Variants in GRID2 observed in about 807,000 individuals in gnomAD.
The protein encoded by GRID2 is glutamate receptor ionotropic, delta-2.
In GRID2, 33 loss-of-function variants were observed where a neutral mutation model predicts 114.8. The ratio of observed to expected loss-of-function variants is 0.29; its 90% CI spans 0.22 to 0.38. The LOEUF (loss-of-function observed/expected upper bound fraction) is 0.38. GRID2 is among the 10% of genes least tolerant of loss of function. The probability of loss-of-function intolerance (pLI) is 1.00; values close to 1 mark genes in which losing one functional copy is unlikely to be tolerated. For synonymous variants in GRID2, 505 were observed against 449.9 expected (o/e 1.12, Z -1.55); for missense variants, 1,184 against 1,257.7 (o/e 0.94, Z 0.89).
chr4:92,760,513 A>G (rs1344512623), intron 2 of GRID2, among the ~76,000 whole-genome samples: 2 of 152,114 alleles, frequency 1.3e-5, no homozygotes, highest in African/African-American at 2.4e-5. Context: ...TACTCTCCAC[A>G]GCCAATCCAG....
At chr4:92,732,847 G>A (rs543651821) in intron 2 of GRID2, among the ~76,000 whole-genome samples, 49 of 152,090 alleles carry the variant, frequency 3.2e-4, no homozygotes, top group African/African-American at 1.1e-3. Context: ...TGGAGTTGAC[G>A]TTGTTTTGTG....
At chr4:93,516,283 G>A (rs577899494) in intron 13 of GRID2, among the ~76,000 whole-genome samples, 10 of 152,192 alleles carry the variant, frequency 6.6e-5, no homozygotes, top group African/African-American at 2.4e-4. Flanking sequence ...TCATCCTAGA[G>A]GATATTTTGA....
chr4:93,702,685 C>T (rs1242317299), intron 14 of GRID2, among the ~76,000 whole-genome samples: 2 of 152,080 alleles, frequency 1.3e-5, no homozygotes, highest in African/African-American at 4.8e-5. Flanking sequence ...TAGATACTAC[C>T]TCAGCAATTT....
At chr4:92,609,102 T>C (rs1729594676) in intron 2 of GRID2, among the ~76,000 whole-genome samples, 1 of 151,812 alleles carries the variant, frequency 6.6e-6, no homozygotes, top group Admixed American at 6.6e-5. Flanking sequence ...TGAGAAGCAC[T>C]GATGTTGGTA....
chr4:93,652,277 T>C (rs549579904), intron 14 of GRID2, among the ~76,000 whole-genome samples: 1 of 152,124 alleles, frequency 6.6e-6, no homozygotes, highest in African/African-American at 2.4e-5. Context: ...GTAAGCAAGA[T>C]ATCTCGTAAG....
chr4:92,930,086 T>C (rs1750110029), intron 2 of GRID2, among the ~76,000 whole-genome samples: 1 of 151,238 alleles, frequency 6.6e-6, no homozygotes, highest in Non-Finnish European at 1.5e-5. Context: ...TAGCATTTAA[T>C]TTTCATAACT....
chr4:93,496,996 T>A (rs1341018433), intron 12 of GRID2, among the ~76,000 whole-genome samples: 1 of 151,786 alleles, frequency 6.6e-6, no homozygotes, highest in Non-Finnish European at 1.5e-5. Context: ...TGTTTCCACC[T>A]GCATTGTATG....
At chr4:92,834,273 C>T (rs564355235) in intron 2 of GRID2, among the ~76,000 whole-genome samples, 7 of 152,118 alleles carry the variant, frequency 4.6e-5, no homozygotes, top group African/African-American at 1.7e-4. Flanking sequence ...CATATATTTT[C>T]TTTTGTTTTG....
intron 2 of GRID2, among the ~76,000 whole-genome samples, chr4:92,916,377 T>C (rs1426934067): frequency 2.0e-5 from 3 of 152,172 alleles, no homozygotes; most frequent in African/African-American, 7.2e-5. Flanking sequence ...TTTTAAATTA[T>C]ACTTTAAGAT....
At chr4:93,663,644 G>A (rs1560877024) in intron 14 of GRID2, among the ~76,000 whole-genome samples, 1 of 152,144 alleles carries the variant, frequency 6.6e-6, no homozygotes, top group South Asian at 2.1e-4. Flanking sequence ...GAAGGAAGGA[G>A]CATTTACGTA....
At chr4:93,366,730 G>T (rs911297456) in intron 8 of GRID2, among the ~76,000 whole-genome samples, 2 of 151,880 alleles carry the variant, frequency 1.3e-5, no homozygotes, top group African/African-American at 4.8e-5. Context: ...TGTCTACCCC[G>T]GACGCCCGGC....
At chr4:92,898,514 A>G (rs543243666) in intron 2 of GRID2, among the ~76,000 whole-genome samples, 1 of 152,242 alleles carries the variant, frequency 6.6e-6, no homozygotes, top group Non-Finnish European at 1.5e-5. Flanking sequence ...TTAGCTTAAA[A>G]CCCTGAGCTG....
At chr4:93,558,297 AGAT>A (rs1734528453) in intron 13 of GRID2, among the ~76,000 whole-genome samples, 2 of 152,216 alleles carry the variant, frequency 1.3e-5, no homozygotes, top group African/African-American at 4.8e-5. Context: ...TGAATCCAGG[AGAT>A]GGTTTTTTGA....
chr4:93,449,315 A>G (rs1016968792), intron 10 of GRID2, among the ~76,000 whole-genome samples: 3 of 152,060 alleles, frequency 2.0e-5, no homozygotes, highest in African/African-American at 7.2e-5. Flanking sequence ...TTGAAATGAA[A>G]GCATTTCCTG....
intron 2 of GRID2, among the ~76,000 whole-genome samples, chr4:92,960,918 G>A (rs1752754019): frequency 6.6e-6 from 1 of 150,858 alleles, no homozygotes; most frequent in African/African-American, 2.4e-5. Flanking sequence ...ATTTTTCCTT[G>A]GTTTCTTATA....
intron 8 of GRID2, among the ~76,000 whole-genome samples, chr4:93,349,508 A>C (rs957120223): frequency 3.3e-5 from 5 of 152,136 alleles, no homozygotes; most frequent in African/African-American, 1.2e-4. Context: ...ATGCTGAAAA[A>C]AAGTTACACT....
chr4:93,126,507 ATGTCAATAATACCTACCCCAGC>A (rs1279398959), intron 4 of GRID2, among the ~76,000 whole-genome samples: 1 of 145,384 alleles, frequency 6.9e-6, no homozygotes, highest in East Asian at 2.2e-4. Flanking sequence ...TACCTAGTAG[ATGTCAATAATACCTACCCCAGC>A]TGTGGTAGAA....
In GRID2 at chr4:92,439,529, G is replaced by A. The variant is rs34332500; in HGVS notation, c.88+134785G>A. On this transcript the variant is annotated intron_variant, in intron 1 of 15. Coordinates refer to ENST00000282020, the MANE Select transcript of GRID2 (RefSeq NM_001510.4). ...GATGTTTCTCAGGGCTGCTTCAAGCGGGATTAGGGGCGGCGTGGGAACCTA... is the reference window on the plus strand; with the variant it reads ...GATGTTTCTCAGGGCTGCTTCAAGCAGGATTAGGGGCGGCGTGGGAACCTA... Among the ~76,000 whole-genome samples, 8 of 151,936 alleles carry A rather than the reference G, an allele frequency of 5.3e-5. No individual in the cohort carries two copies. In the East Asian group the frequency reaches 5.8e-4, roughly 11 times the overall value.
intron 7 of GRID2, among the ~76,000 whole-genome samples, chr4:93,237,908 G>T (rs1408095127): frequency 1.3e-5 from 2 of 151,768 alleles, no homozygotes; most frequent in South Asian, 4.1e-4. Flanking sequence ...AGAAACCATG[G>T]ATTTTAAGAT....
Sources: gnomAD v4.1 joint callset for allele counts (sites outside exome capture counted in the v4.1 genomes callset) on GRCh38, gnomAD v4.1.1 for gene constraint, MANE v1.5 for transcripts, NCBI Gene and HGNC (gene_info 2026-07-23, HGNC 2026-07-21) for gene names.